The following CASK variants were observed in gnomAD, a reference collection of about 807,000 sequenced individuals.
CASK encodes calcium/calmodulin dependent serine protein kinase.
CASK carries 4 observed loss-of-function variants against 82.9 expected under a neutral mutation model. That is an observed-to-expected ratio of 0.05 (90% CI 0.02 to 0.11). The LOEUF (loss-of-function observed/expected upper bound fraction) is 0.11, where lower values mean the gene tolerates loss of function less well. CASK is among the 10% of genes least tolerant of loss of function. The pLI, the probability that CASK is intolerant of heterozygous loss-of-function variation, is 1.00. For synonymous variants in CASK, 259 were observed against 253.5 expected (o/e 1.02, Z -0.20); for missense variants, 358 against 720.9 (o/e 0.50, Z 5.76).
intron 1 of CASK, chrX:41,919,285 T>C (rs1344323540): frequency 8.9e-6 from 1 of 111,961 alleles, no homozygotes; most frequent in Non-Finnish European, 1.9e-5. Context: ...AAGTTGCACG[T>C]CATCCTTAAG....
chrX:41,600,378 C>G (rs1020448645), intron 12 of CASK, among the ~76,000 whole-genome samples: 1 of 112,462 alleles, frequency 8.9e-6, no homozygotes, highest in African/African-American at 3.2e-5. Context: ...GCCACTCCAT[C>G]GAACATTCTT....
intron 10 of CASK, among the ~76,000 whole-genome samples, chrX:41,625,321 G>A (rs1038204744): frequency 1.8e-5 from 2 of 108,422 alleles, no homozygotes; most frequent in African/African-American, 6.7e-5. Context: ...GAGTAGCTGG[G>A]ACTACAGGTG....
chrX:41,633,416 G>C (rs1165700090), intron 9 of CASK, among the ~76,000 whole-genome samples: 1 of 110,576 alleles, frequency 9.0e-6, no homozygotes, highest in Non-Finnish European at 1.9e-5. Flanking sequence ...GCCAGGGTTA[G>C]AGTACAGGTG....
chrX:41,528,024 G>T lies in CASK; in HGVS notation c.2520+2983C>A, dbSNP rs183303125. ...GTGAACCATCTTAAGGATTCCCAGG[G>T]TTACCTCTTCTAGGGTGGTACAGTG... is the stretch of plus-strand genomic sequence containing the variant. On this transcript the variant is annotated intron_variant, in intron 25 of 26. Coordinates refer to ENST00000378163, the MANE Select transcript of CASK (RefSeq NM_001367721.1). Among the ~76,000 whole-genome samples the T allele has an allele frequency of 2.5e-3, 280 of 112,493 alleles. 1 individual carries two copies. The highest frequency in any genetic ancestry group is 5.5e-3 in the Admixed American group (59 of 10,678).
At chrX:41,830,786 C>T (rs1222591091) in intron 2 of CASK, among the ~76,000 whole-genome samples, 2 of 98,283 alleles carry the variant, frequency 2.0e-5, no homozygotes, top group African/African-American at 7.5e-5. Context: ...CGCCACTGCA[C>T]TCCAGCCTGG....
intron 21 of CASK, among the ~76,000 whole-genome samples, chrX:41,547,084 C>A (rs1239048580): frequency 9.1e-6 from 1 of 110,022 alleles, no homozygotes; most frequent in African/African-American, 3.3e-5. Context: ...GCACCCGCCA[C>A]CACGCTCAGC....
At chrX:41,586,576 T>C (rs1488420512) in intron 14 of CASK, 1 of 155,452 alleles carries the variant, frequency 6.4e-6, no homozygotes, top group African/African-American at 3.1e-5. Flanking sequence ...TTCCTTATTA[T>C]TGAAAACTGT....
intron 1 of CASK, 150 bp from the exon 2 acceptor site, chrX:41,853,377 TTAAG>T (rs2071302864): frequency 2.1e-5 from 8 of 372,139 alleles, no homozygotes; most frequent in Non-Finnish European, 3.3e-5. Context: ...AAAATAAAAT[TTAAG>T]TAATATAACT....
In CASK at chrX:41,583,264, C is replaced by T. The variant is rs181217868; in HGVS notation, c.1314+3643G>A. On this transcript the variant is annotated intron_variant, in intron 14 of 26. Transcript: ENST00000378163. ...GACAGATAAGCTGTCATACAATGGG[C>T]TATATGAGCCGTAATGATTTTGATG... Among the ~76,000 whole-genome samples the T allele has an allele frequency of 5.4e-5, 6 of 110,840 alleles. No individual in the cohort carries two copies. In the Admixed American group the frequency reaches 5.8e-4, roughly 11 times the overall value.
rs191725938 is a variant in CASK at position 41,736,232 on chromosome X, C to T, written c.429+3152G>A. Among the ~76,000 whole-genome samples the T allele has an allele frequency of 1.8e-3, 199 of 112,398 alleles. 1 individual carries two copies. The highest frequency in any genetic ancestry group is 6.1e-3 in the African/African-American group (188 of 30,916). ...TATCAACACCGGGCGCGGTGGCTCA[C>T]GCCTGTAATCCCAGCACTTTGGGAG... On this transcript the variant is annotated intron_variant, in intron 5 of 26. Transcript: ENST00000378163.
intron 5 of CASK, chrX:41,697,927 G>A (rs2067719847): frequency 9.1e-6 from 1 of 109,535 alleles, no homozygotes; most frequent in Non-Finnish European, 1.9e-5. Context: ...TCAGCCTCCC[G>A]AGTAGCTGGG....
chrX:41,879,886 TCC>T (rs916832125), intron 1 of CASK, among the ~76,000 whole-genome samples: 2 of 112,214 alleles, frequency 1.8e-5, no homozygotes, highest in Non-Finnish European at 3.8e-5. Flanking sequence ...CTCTCCTGAA[TCC>T]CAAGAATGAC....
intron 15 of CASK, 109 bp from the exon 16 acceptor site, chrX:41,569,855 A>T: frequency 2.0e-6 from 1 of 508,590 alleles, no homozygotes; most frequent in Non-Finnish European, 3.3e-6. Flanking sequence ...GTTAAAAAAA[A>T]TTAAAGAAAA....
chrX:41,862,637 A>G (rs2071514418), intron 1 of CASK, among the ~76,000 whole-genome samples: 1 of 110,544 alleles, frequency 9.0e-6, no homozygotes, highest in Admixed American at 9.6e-5. Flanking sequence ...AGTGGCTGGA[A>G]AAGGAAAAGG....
chrX:41,677,719 T>A (rs766041194), intron 5 of CASK, among the ~76,000 whole-genome samples: 1 of 112,066 alleles, frequency 8.9e-6, no homozygotes, highest in Non-Finnish European at 1.9e-5. Context: ...GAAGAAAGTG[T>A]GAAGCTGAGG....
At chrX:41,913,702 C>T (rs920874378) in intron 1 of CASK, among the ~76,000 whole-genome samples, 1 of 112,574 alleles carries the variant, frequency 8.9e-6, no homozygotes, top group Non-Finnish European at 1.9e-5. Context: ...ACGTACATAA[C>T]TGCCAAAAGT....
At chrX:41,606,040 A>C (rs753020591) in intron 12 of CASK, among the ~76,000 whole-genome samples, 18 of 111,847 alleles carry the variant, frequency 1.6e-4, no homozygotes, top group Non-Finnish European at 3.2e-4. Context: ...TTTCTTCCTT[A>C]ATGTATACCA....
At chrX:41,716,883 T>A (rs142143101) in intron 5 of CASK, among the ~76,000 whole-genome samples, 37 of 111,915 alleles carry the variant, frequency 3.3e-4, no homozygotes, top group Non-Finnish European at 6.0e-4. Context: ...TTCAAAAGTT[T>A]GGCATGTTAA....
intron 2 of CASK, among the ~76,000 whole-genome samples, chrX:41,800,632 C>G (rs1165805227): frequency 9.2e-6 from 1 of 109,062 alleles, no homozygotes; most frequent in African/African-American, 3.3e-5. Context: ...AGGTATATCT[C>G]CTAATGCTAT....
Sources: gnomAD v4.1 joint callset for allele counts (sites outside exome capture counted in the v4.1 genomes callset) on GRCh38, gnomAD v4.1.1 for gene constraint, MANE v1.5 for transcripts, NCBI Gene and HGNC (gene_info 2026-07-23, HGNC 2026-07-21) for gene names.